RFX4: variants seen among roughly 807,000 people sequenced by gnomAD.
RFX4 encodes regulatory factor X4.
In RFX4, 10 loss-of-function variants were observed where a neutral mutation model predicts 95.0. That is an observed-to-expected ratio of 0.11 (90% CI 0.06 to 0.18). The LOEUF (loss-of-function observed/expected upper bound fraction) is 0.18. RFX4 is among the 10% of genes least tolerant of loss of function. RFX4 has a pLI of 1.00. For synonymous variants in RFX4, 321 were observed against 340.7 expected, an observed-to-expected ratio of 0.94 and a Z score of 0.64; for missense variants, 640 against 922.0, an observed-to-expected ratio of 0.69 and a Z score of 3.96.
Position 106,649,471 on chromosome 12 carries a change from G to T in RFX4, c.192-4757G>T, listed in dbSNP as rs141664911. Reference sequence around the variant, plus strand: ...CGGAAAGAGGAACAAAACGTGGGCTGAAATGTAGTAATTTAGGAGGCTCTG... The same window carrying T: ...CGGAAAGAGGAACAAAACGTGGGCTTAAATGTAGTAATTTAGGAGGCTCTG... On this transcript the variant is annotated intron_variant, in intron 3 of 17. Coordinates refer to ENST00000392842, the MANE Select transcript of RFX4 (RefSeq NM_213594.3). 4.2e-3 allele frequency among the ~76,000 whole-genome samples: 636 copies of T among 152,330 alleles called. 4 individuals are homozygous for T. Among genetic ancestry groups the T allele is most frequent in the Middle Eastern group, 0.031 (9 of 294 alleles).
chr12:106,605,605 C>T (rs1266193262), intron 1 of RFX4, among the ~76,000 whole-genome samples: 1 of 152,196 alleles, frequency 6.6e-6, no homozygotes, highest in African/African-American at 2.4e-5. Flanking sequence ...AGAGTCTATC[C>T]CAAGTGCCAC....
chr12:106,741,915 C>T (rs1051676249), intron 15 of RFX4, among the ~76,000 whole-genome samples: 1 of 152,144 alleles, frequency 6.6e-6, no homozygotes, highest in Non-Finnish European at 1.5e-5. Context: ...ATAGGGTTCA[C>T]ACTCCTATGA....
chr12:106,674,155 C>T lies in RFX4; in HGVS notation c.316-7838C>T, dbSNP rs548834133. Among the ~76,000 whole-genome samples the T allele has an allele frequency of 3.5e-4, 54 of 152,326 alleles. 1 individual carries two copies. In the South Asian group the frequency reaches 9.7e-3, roughly 27 times the overall value. On this transcript the variant is annotated intron_variant, in intron 4 of 17. Coordinates refer to ENST00000392842, the MANE Select transcript of RFX4 (RefSeq NM_213594.3). ...ATGGGCCTCCTCATTCTTCCTGAAA[C>T]GAATGAGACAAGCTCCCACCCAGGT...
At chr12:106,584,975 G>A (rs2039432900) in intron 1 of RFX4, among the ~76,000 whole-genome samples, 2 of 152,218 alleles carry the variant, frequency 1.3e-5, no homozygotes, top group Admixed American at 6.5e-5. Flanking sequence ...CTCTACTGGC[G>A]GTAAAGCGGG....
rs111389951 is a variant in RFX4 at position 106,732,342 on chromosome 12, A to G, written c.1471+93A>G. ...TATGTTTCTTTAACTCTGTATCTCA[A>G]AGAATTTAGTTATGGTGAACAGGTT... On this transcript the variant is annotated intron_variant, in intron 14 of 17. Coordinates refer to ENST00000392842, the MANE Select transcript of RFX4 (RefSeq NM_213594.3). 2,461 of 1,519,004 alleles carry G rather than the reference A, an allele frequency of 1.6e-3. 44 individuals carry two copies. In the African/African-American group the frequency reaches 0.03, roughly 19 times the overall value. The allele number at this position is 1,519,004 out of a possible 1,614,324, so 94.1% of individuals were successfully genotyped here.
intron 8 of RFX4, among the ~76,000 whole-genome samples, chr12:106,700,273 C>A (rs1277630899): frequency 6.6e-6 from 1 of 152,112 alleles, no homozygotes; most frequent in Non-Finnish European, 1.5e-5. Flanking sequence ...CTCAAGGAAT[C>A]CTCCTGCCTC....
intron 2 of RFX4, among the ~76,000 whole-genome samples, chr12:106,616,706 T>G (rs979948150): frequency 5.3e-5 from 8 of 152,176 alleles, no homozygotes; most frequent in Admixed American, 4.6e-4. Flanking sequence ...AGGAATCTGT[T>G]TCATCTAAAT....
At chr12:106,599,465 A>G (rs1037591494) in intron 1 of RFX4, among the ~76,000 whole-genome samples, 5 of 145,428 alleles carry the variant, frequency 3.4e-5, no homozygotes, top group African/African-American at 1.4e-4. Context: ...TGGGCAAGTC[A>G]TCGCTGTGAT....
chr12:106,755,206 C>G (rs1325071389), intron 17 of RFX4, among the ~76,000 whole-genome samples: 1 of 152,176 alleles, frequency 6.6e-6, no homozygotes, highest in Non-Finnish European at 1.5e-5. Flanking sequence ...AAGTGATCCT[C>G]CCACCTCAGC....
chr12:106,643,637 G>A (rs984900034), intron 3 of RFX4, among the ~76,000 whole-genome samples: 11 of 152,012 alleles, frequency 7.2e-5, no homozygotes, highest in South Asian at 2.1e-4. Context: ...TGTGGCTGCC[G>A]TGGGGTTGAG....
At chr12:106,632,382 G>A (rs2040432747) in intron 2 of RFX4, among the ~76,000 whole-genome samples, 1 of 152,216 alleles carries the variant, frequency 6.6e-6, no homozygotes, top group Non-Finnish European at 1.5e-5. Context: ...AATCCTGCTG[G>A]CCTAAAATGA....
chr12:106,740,138 T>C (rs2042781449), intron 15 of RFX4, among the ~76,000 whole-genome samples: 1 of 152,222 alleles, frequency 6.6e-6, no homozygotes, highest in African/African-American at 2.4e-5. Context: ...AACCAGCAAA[T>C]TAAATCATTG....
chr12:106,596,056 G>A (rs1167735573), intron 1 of RFX4, among the ~76,000 whole-genome samples: 1 of 152,192 alleles, frequency 6.6e-6, no homozygotes. Flanking sequence ...TGGTCCTCTA[G>A]TGACTTCCAA....
At chr12:106,609,937 T>C (rs2039923962) in intron 2 of RFX4, among the ~76,000 whole-genome samples, 2 of 152,180 alleles carry the variant, frequency 1.3e-5, no homozygotes, top group African/African-American at 4.8e-5. Flanking sequence ...TGTATTCTTT[T>C]GTGTGTAACT....
chr12:106,619,409 C>CCACT (rs532541534), intron 2 of RFX4, among the ~76,000 whole-genome samples: 175 of 152,144 alleles, frequency 1.2e-3, no homozygotes, highest in African/African-American at 4.0e-3. Context: ...AGTTATCATT[C>CCACT]CACTGTCTTC....
At chr12:106,611,782 A>G (rs1000034121) in intron 2 of RFX4, among the ~76,000 whole-genome samples, 11 of 152,116 alleles carry the variant, frequency 7.2e-5, no homozygotes, top group African/African-American at 2.7e-4. Context: ...AAGTTCTGGG[A>G]TTACAGGCAT....
intron 15 of RFX4, among the ~76,000 whole-genome samples, chr12:106,736,904 C>G (rs2042719136): frequency 6.6e-6 from 1 of 152,072 alleles, no homozygotes; most frequent in Admixed American, 6.6e-5. Flanking sequence ...GCCTGTGCCT[C>G]CTCAAAGTGC....
At chr12:106,708,301 C>G (rs1338517124) in intron 8 of RFX4, among the ~76,000 whole-genome samples, 2 of 151,444 alleles carry the variant, frequency 1.3e-5, no homozygotes, top group Non-Finnish European at 2.9e-5. Context: ...AGACAGGTAG[C>G]TGAGTGCTGA....
intron 17 of RFX4, among the ~76,000 whole-genome samples, chr12:106,751,706 C>T (rs1160866876): frequency 6.6e-6 from 1 of 151,898 alleles, no homozygotes; most frequent in East Asian, 1.9e-4. Flanking sequence ...AGCATTTTTT[C>T]ATGTGTTTTT....
Sources: gnomAD v4.1 joint callset for allele counts (sites outside exome capture counted in the v4.1 genomes callset) on GRCh38, gnomAD v4.1.1 for gene constraint, MANE v1.5 for transcripts, NCBI Gene and HGNC (gene_info 2026-07-23, HGNC 2026-07-21) for gene names.